Variants in TMEM117 observed in about 807,000 individuals in gnomAD.
TMEM117 encodes transmembrane protein 117.
A neutral mutation model predicts 52.4 loss-of-function variants in TMEM117; 27 were observed. The observed-to-expected ratio is 0.51, with a 90% CI of 0.38 to 0.71. The LOEUF is 0.71. TMEM117 is among the 30% of genes least tolerant of loss of function. TMEM117 has a pLI of 0.00. For missense variants in TMEM117, 556 were observed against 630.5 expected, an observed-to-expected ratio of 0.88 and a Z score of 1.26; for synonymous variants, 215 against 206.3, an observed-to-expected ratio of 1.04 and a Z score of -0.36.
At chr12:44,005,285 C>T (rs1000042265) in intron 3 of TMEM117, among the ~76,000 whole-genome samples, 1 of 152,182 alleles carries the variant, frequency 6.6e-6, no homozygotes, top group Non-Finnish European at 1.5e-5. Flanking sequence ...CTAAATTTAA[C>T]GTGAAACGTC....
rs569253833 is a variant in TMEM117 at position 44,306,832 on chromosome 12, G to A, written c.768+7093G>A. 9.8e-5 allele frequency among the ~76,000 whole-genome samples: 15 copies of A among 152,332 alleles called. No individual in the cohort carries two copies. In the South Asian group the frequency reaches 3.1e-3, roughly 32 times the overall value. On this transcript the variant is annotated intron_variant, in intron 6 of 7. Coordinates refer to ENST00000266534, the MANE Select transcript of TMEM117 (RefSeq NM_032256.3). ...ATTACATTTGGTCATTTTCACTGAA[G>A]TATGATCTTACAGTAATTAACTATC... is the stretch of plus-strand genomic sequence containing the variant.
intron 2 of TMEM117, among the ~76,000 whole-genome samples, chr12:43,855,904 C>T (rs1933554436): frequency 6.6e-6 from 1 of 152,052 alleles, no homozygotes; most frequent in Non-Finnish European, 1.5e-5. Flanking sequence ...TCAAGGTAGT[C>T]ATGGTAATAC....
chr12:43,844,599 A>G (rs1055766449), intron 1 of TMEM117, 25 bp from the exon 2 acceptor site: 3 of 1,569,124 alleles, frequency 1.9e-6, no homozygotes, highest in Non-Finnish European at 8.6e-7. Context: ...TCCTCCTCTA[A>G]CCCTATCTAT....
chr12:44,221,092 A>G (rs1949782044), intron 5 of TMEM117, among the ~76,000 whole-genome samples: 1 of 152,202 alleles, frequency 6.6e-6, no homozygotes, highest in Non-Finnish European at 1.5e-5. Context: ...TTTACAGTAG[A>G]GAAATCTGAC....
intron 2 of TMEM117, among the ~76,000 whole-genome samples, chr12:43,934,655 A>G (rs1028078195): frequency 1.3e-5 from 2 of 152,142 alleles, no homozygotes; most frequent in Non-Finnish European, 2.9e-5. Context: ...TTAGTATTAT[A>G]TGAGATTGTA....
At chr12:44,193,665 G>A (rs1157509266) in intron 4 of TMEM117, among the ~76,000 whole-genome samples, 1 of 152,200 alleles carries the variant, frequency 6.6e-6, no homozygotes, top group East Asian at 1.9e-4. Flanking sequence ...AGAGATCCTA[G>A]AGAGAGGAAA....
intron 3 of TMEM117, among the ~76,000 whole-genome samples, chr12:43,950,867 C>A (rs115011861): frequency 6.6e-6 from 1 of 152,106 alleles, no homozygotes; most frequent in Non-Finnish European, 1.5e-5. Context: ...CCAAGATGGC[C>A]GAATAGAAAC....
At chr12:44,008,812 C>A in intron 3 of TMEM117, 1 of 439,574 alleles carries the variant, frequency 2.3e-6, no homozygotes, top group Non-Finnish European at 4.5e-6. Context: ...ATTTAAAGGA[C>A]TTCTCTCCCA....
chr12:44,257,728 C>G (rs73274135), intron 5 of TMEM117, among the ~76,000 whole-genome samples: 11,885 of 152,126 alleles, frequency 0.078, 1,394 homozygotes, highest in African/African-American at 0.26. Context: ...CTGAATAAAA[C>G]ACATTATACA....
intron 4 of TMEM117, among the ~76,000 whole-genome samples, chr12:44,150,585 T>G (rs1948708148): frequency 1.3e-5 from 2 of 152,222 alleles, no homozygotes; most frequent in African/African-American, 4.8e-5. Context: ...AGGGAAATTA[T>G]TTTTTGCATT....
intron 3 of TMEM117, among the ~76,000 whole-genome samples, chr12:44,014,076 G>A (rs1398468724): frequency 6.6e-6 from 1 of 152,104 alleles, no homozygotes; most frequent in African/African-American, 2.4e-5. Flanking sequence ...AAAGACTTGT[G>A]TCCTTTTCAC....
intron 2 of TMEM117, among the ~76,000 whole-genome samples, chr12:43,885,683 A>C (rs2137462801): frequency 6.6e-6 from 1 of 152,262 alleles, no homozygotes; most frequent in Middle Eastern, 3.4e-3. Flanking sequence ...AGTGTAAATA[A>C]AAAAGCTTTA....
chr12:43,797,025 C>T, the TMEM117 span: 148 of 1,611,374 alleles, frequency 9.2e-5, no homozygotes, highest in East Asian at 3.1e-4. Context: ...TTCTAGCAGA[C>T]GGCTCTTGCA....
At chr12:43,965,071 C>T (rs866221672) in intron 3 of TMEM117, among the ~76,000 whole-genome samples, 6 of 152,180 alleles carry the variant, frequency 3.9e-5, no homozygotes, top group African/African-American at 1.4e-4. Context: ...TTGCACTCGT[C>T]CTGGTTGCCC....
chr12:43,973,801 G>A (rs1336589204), intron 3 of TMEM117, among the ~76,000 whole-genome samples: 1 of 152,206 alleles, frequency 6.6e-6, no homozygotes, highest in African/African-American at 2.4e-5. Flanking sequence ...GAAGTCTACT[G>A]TCAAGGAAGC....
intron 5 of TMEM117, among the ~76,000 whole-genome samples, chr12:44,269,563 T>G (rs1950421592): frequency 6.6e-6 from 1 of 152,008 alleles, no homozygotes; most frequent in Non-Finnish European, 1.5e-5. Context: ...CTACCTCGTC[T>G]CCCTTCCTCA....
upstream of TMEM117, chr12:43,836,068 C>T (rs1331012573): frequency 6.6e-6 from 1 of 151,730 alleles, no homozygotes; most frequent in African/African-American, 2.4e-5. Context: ...AGCTCCGTGA[C>T]AGCAGCAGCG....
At chr12:44,010,730 A>G (rs1946276961) in intron 3 of TMEM117, among the ~76,000 whole-genome samples, 1 of 152,174 alleles carries the variant, frequency 6.6e-6, no homozygotes, top group Non-Finnish European at 1.5e-5. Context: ...TCCCTTTTCC[A>G]ATAACACTGT....
At chr12:43,997,642 A>G (rs751270419) in intron 3 of TMEM117, among the ~76,000 whole-genome samples, 13 of 152,148 alleles carry the variant, frequency 8.5e-5, no homozygotes, top group Non-Finnish European at 1.6e-4. Flanking sequence ...CATTATCATC[A>G]TTACCATTGT....
Sources: allele counts gnomAD v4.1 joint callset (sites outside exome capture counted in the v4.1 genomes callset), GRCh38; gene constraint gnomAD v4.1.1; transcripts MANE v1.5; gene names NCBI Gene and HGNC (gene_info 2026-07-23, HGNC 2026-07-21).